ASIC2: variants seen among roughly 807,000 people sequenced by gnomAD.
ASIC2 encodes acid-sensing ion channel 2.
A neutral mutation model predicts 57.3 loss-of-function variants in ASIC2; 25 were observed. That is an observed-to-expected ratio of 0.44 (90% CI 0.32 to 0.61). The LOEUF (loss-of-function observed/expected upper bound fraction) is 0.61. Ranked by LOEUF, ASIC2 falls within the 20% of genes least tolerant of loss-of-function variation. ASIC2 has a pLI of 0.06. For synonymous variants in ASIC2, 319 were observed against 307.5 expected, an observed-to-expected ratio of 1.04 and a Z score of -0.39; for missense variants, 641 against 738.1, an observed-to-expected ratio of 0.87 and a Z score of 1.52.
At chr17:34,088,669 T>C (rs1910204460) in intron 1 of ASIC2, among the ~76,000 whole-genome samples, 1 of 152,254 alleles carries the variant, frequency 6.6e-6, no homozygotes. Flanking sequence ...GCAGGCCTCC[T>C]TGAGCTGTGG....
chr17:33,966,904 A>G (rs1905090490), intron 1 of ASIC2, among the ~76,000 whole-genome samples: 2 of 151,482 alleles, frequency 1.3e-5, no homozygotes, highest in African/African-American at 4.9e-5. Flanking sequence ...GGTCTCCATG[A>G]CCCCCCGCAC....
chr17:33,512,503 A>G lies in ASIC2; in HGVS notation c.556-400436T>C, dbSNP rs146601419. On this transcript the variant is annotated intron_variant, in intron 1 of 9. Transcript: ENST00000359872. The stretch of plus-strand genomic sequence containing the variant: ...CTCCCACTGGGTACTGAGCCTGCAG[A>G]GTTATAGTGTGAAGAGAGATGAGCA... 4.9e-3 allele frequency among the ~76,000 whole-genome samples: 751 copies of G among 152,284 alleles called. 24 individuals are homozygous for G. Among genetic ancestry groups the G allele is most frequent in the Admixed American group, 0.045 (694 of 15,304 alleles).
chr17:34,091,136 G>A (rs1220495771), intron 1 of ASIC2, among the ~76,000 whole-genome samples: 2 of 152,194 alleles, frequency 1.3e-5, no homozygotes, highest in Non-Finnish European at 2.9e-5. Flanking sequence ...AGTCCCTGAA[G>A]ATCAAGACCC....
At chr17:33,580,488 C>A (rs1904397365) in intron 1 of ASIC2, among the ~76,000 whole-genome samples, 1 of 152,146 alleles carries the variant, frequency 6.6e-6, no homozygotes, top group Non-Finnish European at 1.5e-5. Context: ...TGTGGGTCCC[C>A]AGGGCCCACA....
chr17:33,806,739 T>G (rs1176825076), intron 1 of ASIC2, among the ~76,000 whole-genome samples: 1 of 152,150 alleles, frequency 6.6e-6, no homozygotes, highest in African/African-American at 2.4e-5. Context: ...CCAAAAGAGC[T>G]TCCTCTTTTG....
chr17:33,378,647 A>G (rs1177196675), intron 1 of ASIC2, among the ~76,000 whole-genome samples: 1 of 152,234 alleles, frequency 6.6e-6, no homozygotes. Flanking sequence ...GCTTTTGGTG[A>G]GAGGTGATTT....
chr17:33,583,806 C>T (rs574371303), intron 1 of ASIC2, among the ~76,000 whole-genome samples: 10 of 152,258 alleles, frequency 6.6e-5, no homozygotes, highest in East Asian at 3.9e-4. Flanking sequence ...TCAGCTGCCA[C>T]GGTTTCATTT....
chr17:33,591,408 T>A (rs1408864260), intron 1 of ASIC2, among the ~76,000 whole-genome samples: 1 of 152,066 alleles, frequency 6.6e-6, no homozygotes, highest in East Asian at 1.9e-4. Flanking sequence ...GCAGACATGG[T>A]TAATCCATCT....
chr17:34,086,962 C>T lies in ASIC2; in HGVS notation c.555+69016G>A, dbSNP rs1282725994. Among the ~76,000 whole-genome samples the T allele has an allele frequency of 7.9e-5, 12 of 152,262 alleles. No homozygotes were observed. In the East Asian group the frequency reaches 2.3e-3, roughly 29 times the overall value. ...GCATGGGAGATGGGTTTCCTGAATA[C>T]AGCACACTGATGGGTCTTGACTCTT... On this transcript the variant is annotated intron_variant, in intron 1 of 9. Coordinates refer to the ASIC2 transcript ENST00000359872.
chr17:34,148,239 GT>G (rs372355492), intron 1 of ASIC2, among the ~76,000 whole-genome samples: 2 of 152,178 alleles, frequency 1.3e-5, no homozygotes, highest in East Asian at 3.8e-4. Context: ...AGTAGCTTCA[GT>G]TTTTTCTTTG....
chr17:33,445,232 A>T (rs960959904), intron 1 of ASIC2, among the ~76,000 whole-genome samples: 2 of 152,226 alleles, frequency 1.3e-5, no homozygotes, highest in African/African-American at 4.8e-5. Context: ...GTTCGAGACC[A>T]GCCTGGCCAA....
chr17:33,347,817 T>C (rs1908010874), intron 1 of ASIC2, among the ~76,000 whole-genome samples: 1 of 152,134 alleles, frequency 6.6e-6, no homozygotes, highest in Non-Finnish European at 1.5e-5. Context: ...AAATGGATTG[T>C]TATGCTGGGC....
intron 1 of ASIC2, among the ~76,000 whole-genome samples, chr17:33,380,666 A>T (rs1279735426): frequency 6.6e-6 from 1 of 152,220 alleles, no homozygotes; most frequent in African/African-American, 2.4e-5. Flanking sequence ...GAGCATAGTC[A>T]TGGGCTGTGA....
intron 3 of ASIC2, among the ~76,000 whole-genome samples, chr17:33,037,030 T>C (rs1414602941): frequency 1.3e-5 from 2 of 148,314 alleles, no homozygotes; most frequent in African/African-American, 2.5e-5. Context: ...GGTGATGTAA[T>C]AACATGTACA....
chr17:34,082,398 G>A (rs973500152), intron 1 of ASIC2, among the ~76,000 whole-genome samples: 16 of 152,032 alleles, frequency 1.1e-4, no homozygotes, highest in African/African-American at 3.9e-4. Context: ...TATTACCATC[G>A]TATCACAAAA....
chr17:33,888,723 A>G (rs1914890185), intron 1 of ASIC2, among the ~76,000 whole-genome samples: 1 of 152,160 alleles, frequency 6.6e-6, no homozygotes, highest in Non-Finnish European at 1.5e-5. Flanking sequence ...CAATTAAAAT[A>G]CAATTAACCT....
intron 1 of ASIC2, among the ~76,000 whole-genome samples, chr17:34,095,607 T>TTATATATATATATATATA (rs3071169): frequency 1.0e-5 from 1 of 96,148 alleles, no homozygotes; most frequent in Non-Finnish European, 1.9e-5. Flanking sequence ...CAGGCAAATT[T>TTATATATATATATATATA]TATATATATA....
chr17:33,843,290 G>A (rs1022281804), intron 1 of ASIC2, among the ~76,000 whole-genome samples: 101 of 152,104 alleles, frequency 6.6e-4, no homozygotes, highest in African/African-American at 2.3e-3. Flanking sequence ...GGTGAGAAAC[G>A]GAAGGCTAAG....
intron 1 of ASIC2, among the ~76,000 whole-genome samples, chr17:33,600,727 A>T (rs1905100292): frequency 1.3e-5 from 2 of 152,184 alleles, no homozygotes; most frequent in South Asian, 4.1e-4. Flanking sequence ...GGCATAATTA[A>T]GGGCAATTCT....
Sources: allele counts gnomAD v4.1 joint callset (sites outside exome capture counted in the v4.1 genomes callset), GRCh38; gene constraint gnomAD v4.1.1; transcripts MANE v1.5; gene names NCBI Gene and HGNC (gene_info 2026-07-23, HGNC 2026-07-21).